Variants in KLRD1 observed in about 807,000 individuals in gnomAD.
The protein encoded by KLRD1 is killer cell lectin like receptor D1.
KLRD1 carries 21 observed loss-of-function variants against 22.6 expected under a neutral mutation model. The ratio of observed to expected loss-of-function variants is 0.93; its 90% CI spans 0.66 to 1.34. KLRD1 has a LOEUF of 1.34. Ranked by LOEUF, KLRD1 falls within the 40% of genes most tolerant of loss-of-function variation. KLRD1 has a pLI of 0.00. For synonymous variants in KLRD1, 59 were observed against 71.1 expected (o/e 0.83, Z 0.85); for missense variants, 183 against 208.6 (o/e 0.88, Z 0.76).
intron 1 of KLRD1, among the ~76,000 whole-genome samples, chr12:10,261,107 C>T (rs1166161693): frequency 1.3e-5 from 2 of 152,152 alleles, no homozygotes; most frequent in Non-Finnish European, 2.9e-5. Flanking sequence ...CTTTGAAGCA[C>T]CGTATGTAGA....
At chr12:10,306,995 TGGG>T (rs774805930), upstream of KLRD1, among the ~76,000 whole-genome samples, 1 of 152,202 alleles carries the variant, frequency 6.6e-6, no homozygotes, top group Non-Finnish European at 1.5e-5. Context: ...TGCTTTTGTA[TGGG>T]GGTGCATGGT....
chr12:10,282,791 C>T (rs569362765), intron 1 of KLRD1, among the ~76,000 whole-genome samples: 4 of 152,154 alleles, frequency 2.6e-5, no homozygotes, highest in African/African-American at 4.8e-5. Context: ...CGACGTTTGA[C>T]GTAGAGAGTC....
At chr12:10,249,887 G>A (rs1349389428) in intron 1 of KLRD1, among the ~76,000 whole-genome samples, 1 of 152,106 alleles carries the variant, frequency 6.6e-6, no homozygotes, top group East Asian at 1.9e-4. Flanking sequence ...TGCATTTCTT[G>A]ACCCAATGAC....
intron 1 of KLRD1, among the ~76,000 whole-genome samples, chr12:10,286,026 G>A (rs1466009960): frequency 9.2e-5 from 14 of 152,036 alleles, no homozygotes; most frequent in East Asian, 1.9e-4. Context: ...TACTGTTTTC[G>A]CCAGACACGC....
intron 5 of KLRD1, 49 bp from the exon 6 acceptor site, chr12:10,314,624 C>T (rs773813626): frequency 4.1e-6 from 6 of 1,474,336 alleles, no homozygotes; most frequent in Non-Finnish European, 4.5e-6. Context: ...ATGCCCTGAA[C>T]ATTCTTACTT....
rs556380392 is a variant in KLRD1 at position 10,324,563 on chromosome 12, A to G, written c.*9770A>G. ...TTCTATCCATGTTCCTGCAAAGGACATGATTTTTTTCTTTTTTATGTCTGC... is the reference window on the plus strand; with the variant it reads ...TTCTATCCATGTTCCTGCAAAGGACGTGATTTTTTTCTTTTTTATGTCTGC... On this transcript the variant is annotated 3_prime_UTR_variant, in exon 6 of 6. Coordinates refer to ENST00000336164, the MANE Select transcript of KLRD1 (RefSeq NM_002262.5). The G allele has an allele frequency of 6.6e-6, 1 of 151,996 alleles. No individual in the cohort carries two copies. The highest frequency in any genetic ancestry group is 2.4e-5 in the African/African-American group (1 of 41,480). 9.4% of individuals were successfully genotyped at this position (151,996 alleles called of 1,614,324 possible). A position where few individuals can be genotyped will look rare whatever the true frequency, so the allele number is the denominator to read the frequency against.
intron 1 of KLRD1, among the ~76,000 whole-genome samples, chr12:10,270,342 G>A (rs963651264): frequency 1.3e-5 from 2 of 152,124 alleles, no homozygotes; most frequent in African/African-American, 4.8e-5. Flanking sequence ...TAATGAAGTT[G>A]CTCTAAAAAA....
chr12:10,310,199 C>T (rs768166679), intron 3 of KLRD1, among the ~76,000 whole-genome samples: 47 of 152,298 alleles, frequency 3.1e-4, no homozygotes, highest in Middle Eastern at 3.4e-3. Flanking sequence ...GCCACATCAG[C>T]CTCCCTGGTT....
chr12:10,272,277 A>T (rs1949557751), intron 1 of KLRD1, among the ~76,000 whole-genome samples: 1 of 152,182 alleles, frequency 6.6e-6, no homozygotes, highest in Non-Finnish European at 1.5e-5. Context: ...AGACACCAAA[A>T]GTCAATGACA....
chr12:10,308,475 A>C (rs562168068), intron 1 of KLRD1: 1 of 222,566 alleles, frequency 4.5e-6, no homozygotes, highest in Non-Finnish European at 9.1e-6. Flanking sequence ...AAATTACACA[A>C]ATGAACAGTT....
At chr12:10,271,072 C>A (rs940782413) in intron 1 of KLRD1, among the ~76,000 whole-genome samples, 5 of 150,586 alleles carry the variant, frequency 3.3e-5, no homozygotes, top group Non-Finnish European at 5.9e-5. Context: ...GCGTGAGCCA[C>A]CGCAGCCGCC....
At chr12:10,313,741 CG>C (rs1166665625) in intron 5 of KLRD1, among the ~76,000 whole-genome samples, 2 of 151,788 alleles carry the variant, frequency 1.3e-5, no homozygotes, top group African/African-American at 2.4e-5. Flanking sequence ...GAAAGGAGGT[CG>C]GGGTATAGGA....
intron 4 of KLRD1, 116 bp downstream of exon 4, chr12:10,311,731 G>A: frequency 1.2e-6 from 1 of 860,608 alleles, no homozygotes; most frequent in East Asian, 2.7e-5. Flanking sequence ...TGGTTATATT[G>A]GAATTGAGTT....
intron 1 of KLRD1, among the ~76,000 whole-genome samples, chr12:10,271,910 A>G (rs969485631): frequency 5.9e-5 from 9 of 152,164 alleles, no homozygotes; most frequent in African/African-American, 2.2e-4. Flanking sequence ...TAACAATACA[A>G]TAATCGTTTA....
intron 1 of KLRD1, among the ~76,000 whole-genome samples, chr12:10,263,979 T>C (rs1298671356): frequency 6.6e-6 from 1 of 152,154 alleles, no homozygotes; most frequent in Admixed American, 6.5e-5. Flanking sequence ...ATGATCTTAG[T>C]TGAACGTGAA....
intron 1 of KLRD1, among the ~76,000 whole-genome samples, chr12:10,252,337 C>G (rs1165991528): frequency 6.6e-6 from 1 of 152,036 alleles, no homozygotes; most frequent in Non-Finnish European, 1.5e-5. Flanking sequence ...TACGTATTTT[C>G]TATAAATAAT....
intron 3 of KLRD1, among the ~76,000 whole-genome samples, chr12:10,310,033 C>T (rs1396745710): frequency 1.3e-5 from 2 of 152,178 alleles, no homozygotes; most frequent in Admixed American, 6.5e-5. Context: ...TATACTTTTG[C>T]ATCTCACTAC....
chr12:10,284,597 G>T (rs1384502917), intron 1 of KLRD1, among the ~76,000 whole-genome samples: 1 of 152,100 alleles, frequency 6.6e-6, no homozygotes, highest in Admixed American at 6.5e-5. Context: ...TGCCAATGAG[G>T]CTGTTAATTC....
upstream of KLRD1, among the ~76,000 whole-genome samples, chr12:10,300,310 A>T (rs1257577748): frequency 6.6e-6 from 1 of 152,194 alleles, no homozygotes; most frequent in Admixed American, 6.5e-5. Flanking sequence ...TGACTCCTCA[A>T]TTCAAGGGCT....
Sources: allele counts gnomAD v4.1 joint callset (sites outside exome capture counted in the v4.1 genomes callset), GRCh38; gene constraint gnomAD v4.1.1; transcripts MANE v1.5; gene names NCBI Gene and HGNC (gene_info 2026-07-23, HGNC 2026-07-21).